Variants in GUCY2F observed in about 807,000 individuals in gnomAD.
GUCY2F encodes guanylate cyclase 2F, retinal, also known as retinal guanylyl cyclase 2.
Under a neutral mutation model 73.1 loss-of-function variants are expected in GUCY2F, and 61 were observed. The ratio of observed to expected loss-of-function variants is 0.83; its 90% CI spans 0.68 to 1.03. GUCY2F has a LOEUF of 1.03. GUCY2F is among the 50% of genes least tolerant of loss of function. The pLI is 0.00. For synonymous variants in GUCY2F, 331 were observed against 307.8 expected (o/e 1.08, Z -0.79); for missense variants, 912 against 854.3 (o/e 1.07, Z -0.84).
At chrX:109,425,335 T>TTGTGTG (rs755304809) in intron 8 of GUCY2F, among the ~76,000 whole-genome samples, 130 of 98,209 alleles carry the variant, frequency 1.3e-3, no homozygotes, top group African/African-American at 2.0e-3. Context: ...AAAGAAATTG[T>TTGTGTG]TGTGTGTGTG....
At chrX:109,384,305 G>C (rs1181739001) in intron 16 of GUCY2F, among the ~76,000 whole-genome samples, 5 of 112,322 alleles carry the variant, frequency 4.5e-5, no homozygotes, top group Non-Finnish European at 9.4e-5. Context: ...AAGGGCTTAA[G>C]TGGTTTCTTC....
chrX:109,475,986 T>G lies in GUCY2F; in HGVS notation c.-50A>C. ...ATGACGAGATACTGGAGAGTTATTC[T>G]GCTTTCCCGACACAGACGGTGGTGT... On this transcript the variant is annotated 5_prime_UTR_variant, in exon 2 of 20. Coordinates refer to ENST00000218006, the MANE Select transcript of GUCY2F (RefSeq NM_001522.3). 9.1e-7 allele frequency: 1 copy of G among 1,101,726 alleles called. No individual in the cohort carries two copies. Among genetic ancestry groups the G allele is most frequent in the Non-Finnish European group, 1.2e-6 (1 of 825,884 alleles). The allele number at this position is 1,101,726 out of a possible 1,213,427, so 90.8% of individuals were successfully genotyped here.
chrX:109,385,855 G>A (rs1271407216), intron 15 of GUCY2F, among the ~76,000 whole-genome samples: 2 of 112,138 alleles, frequency 1.8e-5, no homozygotes, highest in African/African-American at 6.5e-5. Flanking sequence ...ATTTTAATAT[G>A]GCTGTGTTAA....
intron 7 of GUCY2F, among the ~76,000 whole-genome samples, chrX:109,433,444 C>T (rs1931660952): frequency 8.9e-6 from 1 of 112,327 alleles, no homozygotes; most frequent in Admixed American, 9.4e-5. Context: ...GGTCTTCCAT[C>T]TCCTACTTTG....
chrX:109,475,693 G>T lies in GUCY2F; in HGVS notation c.244C>A (p.Arg82=). 4 of 1,211,037 alleles carry T rather than the reference G, an allele frequency of 3.3e-6. No individual in the cohort carries two copies. The highest frequency in any genetic ancestry group is 3.5e-5 in the South Asian group (2 of 56,890). ...TCAAAAGATGGGTCCCGGTTGATTC[G>T]CTCAATGGCTAATCGCGCAGCAACC... ...PEVAARLAIE[R]INRDPSFDLS... The change falls in exon 2 of 20, where the codon CGA becomes AGA. Residue 82 remains arginine (R), a synonymous_variant. Coordinates refer to ENST00000218006, the MANE Select transcript of GUCY2F (RefSeq NM_001522.3).
chrX:109,379,556 G>A (rs1930254629), intron 17 of GUCY2F, among the ~76,000 whole-genome samples: 1 of 111,932 alleles, frequency 8.9e-6, no homozygotes, highest in Non-Finnish European at 1.9e-5. Context: ...GTCCACCTCT[G>A]GCAACAACAT....
intron 19 of GUCY2F, among the ~76,000 whole-genome samples, 168 bp downstream of exon 19, chrX:109,375,730 G>T (rs964845537): frequency 1.8e-5 from 2 of 112,511 alleles, no homozygotes; most frequent in African/African-American, 6.5e-5. Context: ...CCTGCAGCAG[G>T]CCTCCCCACA....
At chrX:109,477,144 A>G (rs1163954396) in intron 1 of GUCY2F, among the ~76,000 whole-genome samples, 1 of 111,728 alleles carries the variant, frequency 9.0e-6, no homozygotes, top group Non-Finnish European at 1.9e-5. Flanking sequence ...ACAGACCAAG[A>G]GAGTGGTAGT....
At chrX:109,435,918 G>T (rs1443028355) in intron 7 of GUCY2F, among the ~76,000 whole-genome samples, 1 of 110,824 alleles carries the variant, frequency 9.0e-6, no homozygotes, top group Non-Finnish European at 1.9e-5. Context: ...CTGTTTATAT[G>T]CTGGATTACA....
intron 14 of GUCY2F, 36 bp from the exon 15 acceptor site, chrX:109,388,699 T>C: frequency 1.0e-6 from 1 of 990,397 alleles, no homozygotes; most frequent in Non-Finnish European, 1.4e-6. Flanking sequence ...GCAAACAACT[T>C]ATTTGTGCTT....
At chrX:109,468,203 G>A (rs920812853) in intron 2 of GUCY2F, among the ~76,000 whole-genome samples, 3 of 112,072 alleles carry the variant, frequency 2.7e-5, no homozygotes, top group South Asian at 3.7e-4. Flanking sequence ...TTGTGACACT[G>A]GATTAGAGCC....
intron 2 of GUCY2F, among the ~76,000 whole-genome samples, chrX:109,467,409 G>A (rs1932491825): frequency 8.9e-6 from 1 of 112,310 alleles, no homozygotes; most frequent in African/African-American, 3.2e-5. Flanking sequence ...ATCAGAGATT[G>A]AGTGATTTGT....
At chrX:109,387,204 A>T (rs1027939366) in intron 15 of GUCY2F, among the ~76,000 whole-genome samples, 1 of 111,879 alleles carries the variant, frequency 8.9e-6, no homozygotes, top group Non-Finnish European at 1.9e-5. Context: ...GACAAGAGAG[A>T]TCAATAAATA....
At chrX:109,418,144 A>C (rs1361303076) in intron 8 of GUCY2F, among the ~76,000 whole-genome samples, 3 of 111,883 alleles carry the variant, frequency 2.7e-5, no homozygotes, top group Non-Finnish European at 5.7e-5. Context: ...TTAAACATTT[A>C]CTAGCACACC....
intron 8 of GUCY2F, among the ~76,000 whole-genome samples, chrX:109,420,492 GA>G (rs1261377650): frequency 9.1e-6 from 1 of 110,294 alleles, no homozygotes; most frequent in African/African-American, 3.3e-5. Flanking sequence ...GGACTTCCTT[GA>G]AACTAAAAAT....
chrX:109,404,826 C>T (rs1377534444), intron 9 of GUCY2F, among the ~76,000 whole-genome samples: 1 of 111,932 alleles, frequency 8.9e-6, no homozygotes, highest in African/African-American at 3.3e-5. Context: ...CCACTCTCAC[C>T]CATTATTGGC....
rs776540691 is a variant in GUCY2F, at chrX:109,392,981, G to C, written c.2499C>G (p.Ser833Arg). The C allele has an allele frequency of 3.5e-6, 4 of 1,131,881 alleles. No individual in the cohort carries two copies. The South Asian group carries it at 7.2e-5, about 20-fold the overall frequency. 93.3% of individuals were successfully genotyped at this position (1,131,881 alleles called of 1,213,427 possible). ...GCTCCCGAATCAAATCTTCCAAGTT[G>C]CTAGAATATTGCTCCAACATCCGAA... is the stretch of plus-strand genomic sequence containing the variant. The part of the protein sequence containing the change: ...SMLRMLEQYS[S>R]NLEDLIRERT... Residue 833 changes from serine to arginine, a missense_variant, in exon 13 of 20, where the codon AGC becomes AGG. Transcript: ENST00000218006.
At chrX:109,387,523 C>T (rs1930463684) in intron 15 of GUCY2F, among the ~76,000 whole-genome samples, 1 of 112,101 alleles carries the variant, frequency 8.9e-6, no homozygotes, top group Non-Finnish European at 1.9e-5. Flanking sequence ...AGTTGGAAGT[C>T]ATCAGCGTAC....
At chrX:109,467,489 A>G (rs1455114859) in intron 2 of GUCY2F, among the ~76,000 whole-genome samples, 1 of 112,852 alleles carries the variant, frequency 8.9e-6, no homozygotes, top group Admixed American at 9.3e-5. Context: ...ACTTTACTGC[A>G]TGGAAAATGT....
Sources: gnomAD v4.1 joint callset for allele counts (sites outside exome capture counted in the v4.1 genomes callset) on GRCh38, gnomAD v4.1.1 for gene constraint, MANE v1.5 for transcripts, NCBI Gene and HGNC (gene_info 2026-07-23, HGNC 2026-07-21) for gene names.